AGL: variants seen among roughly 807,000 people sequenced by gnomAD.
The protein encoded by AGL is glycogen debranching enzyme.
A neutral mutation model predicts 199.3 loss-of-function variants in AGL; 128 were observed. The observed-to-expected ratio is 0.64, with a 90% CI of 0.56 to 0.74. The LOEUF (loss-of-function observed/expected upper bound fraction) is 0.74, where lower values mean the gene tolerates loss of function less well. Ranked by LOEUF, AGL falls within the 30% of genes least tolerant of loss-of-function variation. The pLI is 0.00. For synonymous variants in AGL, 584 were observed against 594.7 expected, an observed-to-expected ratio of 0.98 and a Z score of 0.26; for missense variants, 1,809 against 1,820.8, an observed-to-expected ratio of 0.99 and a Z score of 0.12.
At chr1:99,915,768 A>G (rs1655070270) in intron 31 of AGL, among the ~76,000 whole-genome samples, 1 of 151,852 alleles carries the variant, frequency 6.6e-6, no homozygotes, top group Admixed American at 6.6e-5. Flanking sequence ...GAGACACTGT[A>G]TTAAAACACA....
chr1:99,856,860 C>T (rs987913254), intron 2 of AGL, among the ~76,000 whole-genome samples: 4 of 152,254 alleles, frequency 2.6e-5, no homozygotes, highest in Non-Finnish European at 5.9e-5. Flanking sequence ...GACACAGCAA[C>T]AATCTGATTT....
Position 99,870,700 on chromosome 1 carries a change from A to G in AGL, c.847-58A>G, listed in dbSNP as rs961446421. On this transcript the variant is annotated intron_variant, in intron 6 of 33. Coordinates refer to ENST00000361915, the MANE Select transcript of AGL (RefSeq NM_000642.3). ...TTAATATGATAAACAGTATTTGCTT[A>G]ACTGATTTTAAATAAGTATATGTAT... 3 of 1,420,908 alleles carry G rather than the reference A, an allele frequency of 2.1e-6. No individual in the cohort carries two copies. The African/African-American group carries it at 4.3e-5, about 21-fold the overall frequency. 88.0% of individuals were successfully genotyped at this position (1,420,908 alleles called of 1,614,324 possible).
chr1:99,923,087 G>T lies in AGL; in HGVS notation c.*1436G>T, dbSNP rs1026608035. The stretch of plus-strand genomic sequence containing the variant: ...CTTCTTCAAAGCTGACCTTGCTTTA[G>T]AAATAGTTTTAACTAGCTTAGTTTT... On this transcript the variant is annotated 3_prime_UTR_variant, in exon 34 of 34. Coordinates refer to ENST00000361915, the MANE Select transcript of AGL (RefSeq NM_000642.3). 2.6e-5 allele frequency: 4 copies of T among 152,182 alleles called. No individual in the cohort carries two copies. Among genetic ancestry groups the T allele is most frequent in the African/African-American group, 9.6e-5 (4 of 41,542 alleles). The allele number at this position is 152,182 out of a possible 1,614,324, so 9.4% of individuals were successfully genotyped here.
chr1:99,879,929 T>C lies in AGL; in HGVS notation c.1618T>C (p.Leu540=), dbSNP rs751245907. 9.3e-6 allele frequency: 15 copies of C among 1,612,452 alleles called. No individual in the cohort carries two copies. The highest frequency in any genetic ancestry group is 2.7e-5 in the African/African-American group (2 of 74,880). ...GTCACTGTGCTTTTTACAGTACATG[T>C]TGGATGCTGCTAGGAATTTGCAACC... is the stretch of plus-strand genomic sequence containing the variant. ...STPLHVAEYM[L]DAARNLQPNL... The change falls in exon 13 of 34, where the codon TTG becomes CTG. Residue 540 remains leucine, a synonymous_variant. Transcript: ENST00000361915.
intron 12 of AGL, 115 bp from the exon 13 acceptor site, chr1:99,879,808 G>T: frequency 1.3e-6 from 1 of 797,700 alleles, no homozygotes; most frequent in Admixed American, 1.9e-5. Flanking sequence ...TTGATATCTT[G>T]CTGCATATTT....
intron 2 of AGL, among the ~76,000 whole-genome samples, chr1:99,857,847 A>AGGGGGAGGCCGTGGGGAGGGGGAGGGGGG (rs1649686521): frequency 1.2e-4 from 1 of 8,226 alleles, no homozygotes; most frequent in African/African-American, 4.8e-4. Context: ...GGGGAGGGGG[A>AGGGGGAGGCCGTGGGGAGGGGGAGGGGGG]GGGGGGAAGA....
In AGL at chr1:99,870,307, A is replaced by G. The variant is rs1650880621; in HGVS notation, c.665-93A>G. ...TCCAATATAGAAAAAAATGAGTGGT[A>G]GATCTTTATATTTTATTTCACCTCT... On this transcript the variant is annotated intron_variant, in intron 5 of 33. Coordinates refer to ENST00000361915, the MANE Select transcript of AGL (RefSeq NM_000642.3). 4.6e-6 allele frequency: 6 copies of G among 1,312,966 alleles called. No homozygotes were observed. The Admixed American group carries it at 5.5e-5, about 12-fold the overall frequency. 81.3% of individuals were successfully genotyped at this position (1,312,966 alleles called of 1,614,324 possible).
rs1370165125 is a variant in AGL at position 99,904,850 on chromosome 1, TAACCATTCATCCA to T, written c.3700+2070_3700+2082del. ...TTTTATGCATATACCAGTATTTATTTAACCATTCATCCAAACCATTCATCCATTGAAGGACATT... is the reference window on the plus strand; with the variant it reads ...TTTTATGCATATACCAGTATTTATTTAACCATTCATCCATTGAAGGACATT... On this transcript the variant is annotated intron_variant, in intron 27 of 33. Coordinates refer to ENST00000361915, the MANE Select transcript of AGL (RefSeq NM_000642.3). Among the ~76,000 whole-genome samples, 121 of 152,322 alleles carry T rather than the reference TAACCATTCATCCA, an allele frequency of 7.9e-4. 1 individual carries two copies. Among genetic ancestry groups the T allele is most frequent in the African/African-American group, 2.8e-3 (118 of 41,556 alleles).
Position 99,859,567 on chromosome 1 carries a change from T to A in AGL, c.83-1936T>A, listed in dbSNP as rs376317730. Among the ~76,000 whole-genome samples the A allele has an allele frequency of 8.0e-3, 1,135 of 142,634 alleles. 23 individuals are homozygous for A. Among genetic ancestry groups the A allele is most frequent in the African/African-American group, 0.028 (1,084 of 38,560 alleles). 93.6% of individuals were successfully genotyped at this position (142,634 alleles called of 152,430 possible). ...AAAAGTGGTTATTACATTTTTTTTT[T>A]AATGGAGTCTTGCTCTGTCACCCAT... On this transcript the variant is annotated intron_variant, in intron 2 of 33. Coordinates refer to ENST00000361915, the MANE Select transcript of AGL (RefSeq NM_000642.3).
chr1:99,884,155 A>G lies in AGL; in HGVS notation c.2344A>G (p.Ile782Val), dbSNP rs758947858. The G allele has an allele frequency of 1.9e-6, 3 of 1,612,758 alleles. No homozygotes were observed. The highest frequency in any genetic ancestry group is 2.2e-5 in the East Asian group (1 of 44,758). ...IEEVVLEART[I>V]ERNTKPYRKD... ...AGAAGTAGTTCTTGAAGCTAGAACT[A>G]TTGAGAGAAACACGAAACCTTATAG... The change falls in exon 18 of 34, where the codon ATT (isoleucine) becomes GTT (valine). Residue 782 changes from isoleucine (I) to valine (V), a missense_variant. By Grantham distance (29) the Ile-to-Val change is conservative. Transcript: ENST00000361915.
At position 99,921,847 on chromosome 1, in the gene AGL, A is replaced by T. The variant is rs967782902; in HGVS notation, c.*196A>T. 1 of 399,294 alleles carries T rather than the reference A, an allele frequency of 2.5e-6. No homozygotes were observed. Among genetic ancestry groups the T allele is most frequent in the Non-Finnish European group, 4.4e-6 (1 of 224,814 alleles). 24.7% of individuals were successfully genotyped at this position (399,294 alleles called of 1,614,324 possible). A position where few individuals can be genotyped will look rare whatever the true frequency, so the allele number is the denominator to read the frequency against. ...GTAGATTTCAATTTGAATCAGAAAG[A>T]AATATCATTACCAATGAAATGTGTT... On this transcript the variant is annotated 3_prime_UTR_variant, in exon 34 of 34. Coordinates refer to ENST00000361915, the MANE Select transcript of AGL (RefSeq NM_000642.3).
intron 13 of AGL, 151 bp from the exon 14 acceptor site, chr1:99,880,481 C>A: frequency 1.1e-6 from 1 of 935,780 alleles, no homozygotes; most frequent in South Asian, 1.7e-5. Context: ...GTCACTTAAA[C>A]TAGTAGACAT....
chr1:99,885,910 C>T (rs1451369183), intron 20 of AGL, among the ~76,000 whole-genome samples: 1 of 152,134 alleles, frequency 6.6e-6, no homozygotes, highest in African/African-American at 2.4e-5. Flanking sequence ...CCCCTCACCC[C>T]CAGTCTGTGA....
intron 25 of AGL, among the ~76,000 whole-genome samples, chr1:99,899,136 G>T (rs1273609246): frequency 6.6e-6 from 1 of 152,124 alleles, no homozygotes; most frequent in Non-Finnish European, 1.5e-5. Flanking sequence ...AATTGAAAGT[G>T]TCACTGTCTA....
chr1:99,901,763 G>C (rs555180732), intron 26 of AGL, among the ~76,000 whole-genome samples: 2 of 147,960 alleles, frequency 1.4e-5, no homozygotes, highest in African/African-American at 2.4e-5. Context: ...TATATGATTG[G>C]GGGGGCTGGG....
At chr1:99,897,403 A>G (rs1340395599) in intron 25 of AGL, among the ~76,000 whole-genome samples, 1 of 152,204 alleles carries the variant, frequency 6.6e-6, no homozygotes, top group East Asian at 1.9e-4. Context: ...GCTCTAAAAG[A>G]TAAAACTTTC....
rs569620053 is a variant in AGL, at chr1:99,897,115, G to T, written c.3362+727G>T. The stretch of plus-strand genomic sequence containing the variant: ...CAGGCGTGAGCCACCGTGCCCGGCC[G>T]TAAAATGGTATTTTTTTTAATGTCA... On this transcript the variant is annotated intron_variant, in intron 25 of 33. Coordinates refer to ENST00000361915, the MANE Select transcript of AGL (RefSeq NM_000642.3). 4.4e-4 allele frequency among the ~76,000 whole-genome samples: 67 copies of T among 152,156 alleles called. 2 individuals carry two copies. In the South Asian group the frequency reaches 0.014, roughly 31 times the overall value.
chr1:99,884,003 A>T, intron 17 of AGL, 117 bp from the exon 18 acceptor site: 1 of 865,992 alleles, frequency 1.2e-6, no homozygotes, highest in Non-Finnish European at 1.8e-6. Context: ...CTTCTAAAAA[A>T]AAGTAACTGA....
intron 1 of AGL, 63 bp from the exon 2 acceptor site, chr1:99,850,912 T>G: frequency 1.3e-6 from 1 of 794,516 alleles, no homozygotes; most frequent in Non-Finnish European, 2.2e-6. Flanking sequence ...AGTGCCGCTG[T>G]CAGCTCTGGA....
Sources: allele counts gnomAD v4.1 joint callset (sites outside exome capture counted in the v4.1 genomes callset), GRCh38; gene constraint gnomAD v4.1.1; transcripts MANE v1.5; gene names NCBI Gene and HGNC (gene_info 2026-07-23, HGNC 2026-07-21).